Variants in PTK2B observed in about 807,000 individuals in gnomAD.
The protein encoded by PTK2B is protein tyrosine kinase 2 beta.
A neutral mutation model predicts 142.9 loss-of-function variants in PTK2B; 71 were observed. The observed-to-expected ratio is 0.50, with a 90% confidence interval of 0.41 to 0.61. The LOEUF is 0.61. PTK2B is among the 20% of genes least tolerant of loss of function. The probability of loss-of-function intolerance (pLI) is 0.00; values close to 1 mark genes in which losing one functional copy is unlikely to be tolerated. For synonymous variants in PTK2B, 519 were observed against 503.4 expected (o/e 1.03, Z -0.42); for missense variants, 1,105 against 1,320.4 (o/e 0.84, Z 2.53).
At chr8:27,331,783 T>G (rs972790674) in intron 1 of PTK2B, among the ~76,000 whole-genome samples, 7 of 152,154 alleles carry the variant, frequency 4.6e-5, no homozygotes, top group Admixed American at 3.9e-4. Context: ...CACCACACCC[T>G]AAATTAATGT....
intron 1 of PTK2B, among the ~76,000 whole-genome samples, chr8:27,370,175 T>C (rs1350230857): frequency 1.3e-5 from 2 of 152,158 alleles, no homozygotes; most frequent in African/African-American, 2.4e-5. Flanking sequence ...CTGTGTTGTA[T>C]TGAAATCAGT....
At chr8:27,335,250 AGTGCAGCCTCT>A (rs1436496274) in intron 1 of PTK2B, among the ~76,000 whole-genome samples, 2 of 152,200 alleles carry the variant, frequency 1.3e-5, no homozygotes, top group Admixed American at 1.3e-4. Flanking sequence ...CATTGTCACC[AGTGCAGCCTCT>A]GAGCCCTCTC....
intron 1 of PTK2B, among the ~76,000 whole-genome samples, chr8:27,375,702 C>T (rs1334426437): frequency 6.6e-6 from 1 of 152,202 alleles, no homozygotes; most frequent in Non-Finnish European, 1.5e-5. Flanking sequence ...TTCCCTGTCC[C>T]ATGTGCCTCT....
chr8:27,356,095 C>A (rs368150659), intron 1 of PTK2B, among the ~76,000 whole-genome samples: 19 of 152,076 alleles, frequency 1.2e-4, no homozygotes, highest in African/African-American at 4.3e-4. Flanking sequence ...GAGAGCCCTA[C>A]TGGTGGCTCT....
intron 17 of PTK2B, 113 bp downstream of exon 17, chr8:27,437,609 G>A: frequency 2.5e-6 from 3 of 1,202,490 alleles, no homozygotes; most frequent in Non-Finnish European, 3.5e-6. Context: ...TAAGCCAGAG[G>A]CCCTGTTTGT....
chr8:27,451,878 C>A lies in PTK2B; in HGVS notation c.2548+369C>A, dbSNP rs1272672463. The A allele has an allele frequency of 7.7e-6, 5 of 646,130 alleles. No homozygotes were observed. The African/African-American group carries it at 7.8e-5, about 10-fold the overall frequency. 40.0% of individuals were successfully genotyped at this position (646,130 alleles called of 1,614,324 possible). ...CCACCTGCCTGTCCCAGTTCAGATTCATCTTCTGTAGGCCTGAGGGACAGA... is the reference window on the plus strand; with the variant it reads ...CCACCTGCCTGTCCCAGTTCAGATTAATCTTCTGTAGGCCTGAGGGACAGA... On this transcript the variant is annotated intron_variant, in intron 27 of 30. Transcript: ENST00000346049.
intron 1 of PTK2B, among the ~76,000 whole-genome samples, chr8:27,338,778 C>G: frequency 6.6e-6 from 1 of 152,136 alleles, no homozygotes; most frequent in Admixed American, 6.5e-5. Context: ...TAAACTTTCT[C>G]CTTTCTGACA....
chr8:27,423,108 G>A (rs1809862688), intron 5 of PTK2B, among the ~76,000 whole-genome samples: 10 of 152,156 alleles, frequency 6.6e-5, no homozygotes, highest in Admixed American at 6.5e-4. Flanking sequence ...GCTGATGGTG[G>A]AAGACACCAT....
intron 30 of PTK2B, 84 bp downstream of exon 30, chr8:27,454,695 T>C: frequency 2.9e-6 from 4 of 1,398,390 alleles, no homozygotes; most frequent in Non-Finnish European, 4.0e-6. Context: ...GATGGCTGCC[T>C]GGGCAACCTC....
intron 2 of PTK2B, among the ~76,000 whole-genome samples, chr8:27,407,466 A>G (rs937537372): frequency 6.6e-6 from 1 of 152,138 alleles, no homozygotes; most frequent in Non-Finnish European, 1.5e-5. Context: ...TGATCATCCT[A>G]TGAGGCTCCT....
intron 1 of PTK2B, among the ~76,000 whole-genome samples, chr8:27,359,960 G>A (rs924771693): frequency 1.1e-4 from 17 of 152,110 alleles, no homozygotes; most frequent in African/African-American, 3.9e-4. Flanking sequence ...CTGATACCCA[G>A]GTGGCCTCCA....
chr8:27,453,082 C>G, intron 27 of PTK2B, 32 bp from the exon 28 acceptor site: 1 of 1,612,992 alleles, frequency 6.2e-7, no homozygotes, highest in Non-Finnish European at 8.5e-7. Context: ...GTGCTGAGAA[C>G]TGCCCCCCAC....
At chr8:27,325,973 T>A (rs1404871184) in intron 1 of PTK2B, among the ~76,000 whole-genome samples, 1 of 152,012 alleles carries the variant, frequency 6.6e-6, no homozygotes, top group Non-Finnish European at 1.5e-5. Flanking sequence ...TGGGGGAGGC[T>A]AGGGGTGACG....
rs140360514 is a variant in PTK2B, at chr8:27,447,640, C to T, written c.2340+1721C>T. Among the ~76,000 whole-genome samples, 1,170 of 152,286 alleles carry T rather than the reference C, an allele frequency of 7.7e-3. 17 individuals carry two copies. Among genetic ancestry groups the T allele is most frequent in the African/African-American group, 0.027 (1,111 of 41,562 alleles). ...TTGGGAGGCCAAGGTGGGTGGATCA[C>T]TTGATGTCAGGAGTCTGAGACCAGC... On this transcript the variant is annotated intron_variant, in intron 24 of 30. Transcript: ENST00000346049.
chr8:27,453,826 A>G (rs1211997008), intron 28 of PTK2B, among the ~76,000 whole-genome samples: 1 of 152,128 alleles, frequency 6.6e-6, no homozygotes, highest in Non-Finnish European at 1.5e-5. Context: ...GTGAGCTATG[A>G]CTGTGCCATT....
chr8:27,451,467 C>G lies in PTK2B; in HGVS notation c.2524-18C>G. 6.2e-7 allele frequency: 1 copy of G among 1,613,962 alleles called. No individual in the cohort carries two copies. The highest frequency in any genetic ancestry group is 1.3e-5 in the African/African-American group (1 of 75,054). ...GCCGCATGAGTGACGTTCCTGTTCT[C>G]TTTCCTCCTTCCTCCAGACGCCAGA... On this transcript the variant is annotated intron_variant, in intron 26 of 30. Coordinates refer to ENST00000346049, the MANE Select transcript of PTK2B (RefSeq NM_173176.3).
intron 23 of PTK2B, among the ~76,000 whole-genome samples, chr8:27,444,934 ATTTG>A (rs1338987996): frequency 6.6e-6 from 1 of 152,162 alleles, no homozygotes; most frequent in Non-Finnish European, 1.5e-5. Flanking sequence ...ATGGTCCTAT[ATTTG>A]TTCTCAAGGA....
At chr8:27,450,991 T>C in intron 25 of PTK2B, 52 bp from the exon 26 acceptor site, 1 of 1,608,476 alleles carries the variant, frequency 6.2e-7, no homozygotes, top group Non-Finnish European at 8.5e-7. Context: ...GCATTCTTGG[T>C]GCTTTCAGCT....
chr8:27,402,202 T>C (rs955666712), intron 2 of PTK2B, among the ~76,000 whole-genome samples: 12 of 150,838 alleles, frequency 8.0e-5, no homozygotes, highest in African/African-American at 2.9e-4. Flanking sequence ...ATTGAGGAGA[T>C]GAAAGGCTTT....
Sources: allele counts gnomAD v4.1 joint callset (sites outside exome capture counted in the v4.1 genomes callset), GRCh38; gene constraint gnomAD v4.1.1; transcripts MANE v1.5; gene names NCBI Gene and HGNC (gene_info 2026-07-23, HGNC 2026-07-21).